The following SRBD1 variants were observed in gnomAD, a reference collection of about 807,000 sequenced individuals.
SRBD1 encodes S1 RNA-binding domain-containing protein 1.
In SRBD1, 88 loss-of-function variants were observed where a neutral mutation model predicts 115.3. That is an observed-to-expected ratio of 0.76 (90% CI 0.64 to 0.91). The LOEUF (loss-of-function observed/expected upper bound fraction) is 0.91. Ranked by LOEUF, SRBD1 falls within the 40% of genes least tolerant of loss-of-function variation. The pLI, the probability that SRBD1 is intolerant of heterozygous loss-of-function variation, is 0.00. For synonymous variants in SRBD1, 509 were observed against 407.7 expected, an observed-to-expected ratio of 1.25 and a Z score of -2.99; for missense variants, 1,385 against 1,177.4, an observed-to-expected ratio of 1.18 and a Z score of -2.58.
chr2:45,432,415 T>C (rs1668368629), intron 16 of SRBD1, among the ~76,000 whole-genome samples: 1 of 152,210 alleles, frequency 6.6e-6, no homozygotes, highest in Admixed American at 6.5e-5. Context: ...AATAATGTCT[T>C]TGACATTAAA....
At chr2:45,593,555 A>T (rs918646016) in intron 4 of SRBD1, among the ~76,000 whole-genome samples, 2 of 152,202 alleles carry the variant, frequency 1.3e-5, no homozygotes, top group Non-Finnish European at 1.5e-5. Flanking sequence ...GGAAATTGCT[A>T]TTTCCTCAGT....
chr2:45,526,271 T>C (rs1671438810), intron 14 of SRBD1, among the ~76,000 whole-genome samples: 1 of 151,960 alleles, frequency 6.6e-6, no homozygotes, highest in African/African-American at 2.4e-5. Flanking sequence ...TATTCGGCCA[T>C]AAAAAGGAAT....
intron 14 of SRBD1, among the ~76,000 whole-genome samples, chr2:45,527,632 T>C (rs1384257664): frequency 6.6e-6 from 1 of 151,864 alleles, no homozygotes; most frequent in Non-Finnish European, 1.5e-5. Flanking sequence ...CCAAGCACCA[T>C]TCTAAGTATT....
chr2:45,508,932 G>A (rs1040125128), intron 14 of SRBD1, among the ~76,000 whole-genome samples: 1 of 152,124 alleles, frequency 6.6e-6, no homozygotes, highest in Non-Finnish European at 1.5e-5. Flanking sequence ...AAAAAAGGAA[G>A]AGAAAGAAAA....
intron 14 of SRBD1, among the ~76,000 whole-genome samples, chr2:45,528,355 T>C (rs1227888361): frequency 2.0e-5 from 3 of 151,670 alleles, no homozygotes; most frequent in African/African-American, 4.8e-5. Context: ...AAGGAAGAAA[T>C]AGGAGACACA....
At chr2:45,594,912 A>C (rs1673845809) in intron 4 of SRBD1, among the ~76,000 whole-genome samples, 1 of 152,210 alleles carries the variant, frequency 6.6e-6, no homozygotes, top group Non-Finnish European at 1.5e-5. Context: ...CCTTATACAA[A>C]AAGACTGAAG....
chr2:45,436,430 T>C (rs1176374715), intron 16 of SRBD1, among the ~76,000 whole-genome samples: 2 of 152,208 alleles, frequency 1.3e-5, no homozygotes, highest in Non-Finnish European at 2.9e-5. Context: ...AGAAAAGTTA[T>C]ATAAGATTGT....
chr2:45,480,610 T>G (rs907206321), intron 15 of SRBD1, among the ~76,000 whole-genome samples: 8 of 152,156 alleles, frequency 5.3e-5, no homozygotes, highest in Non-Finnish European at 1.0e-4. Context: ...GACAAGCAAA[T>G]AAAGTGTTTT....
At chr2:45,503,317 G>C (rs1200578134) in intron 14 of SRBD1, among the ~76,000 whole-genome samples, 1 of 152,128 alleles carries the variant, frequency 6.6e-6, no homozygotes, top group South Asian at 2.1e-4. Flanking sequence ...AGGAAGACTG[G>C]ATGGAGTGTT....
At chr2:45,424,888 G>A (rs913123678) in intron 16 of SRBD1, among the ~76,000 whole-genome samples, 1 of 152,118 alleles carries the variant, frequency 6.6e-6, no homozygotes, top group African/African-American at 2.4e-5. Context: ...GAGTGAGAGA[G>A]AACTAGCCTT....
intron 18 of SRBD1, among the ~76,000 whole-genome samples, chr2:45,413,946 A>G (rs1667683660): frequency 6.6e-6 from 1 of 152,124 alleles, no homozygotes; most frequent in Non-Finnish European, 1.5e-5. Context: ...AAAAAGAAAG[A>G]AAAGAAAAGC....
chr2:45,565,528 C>T (rs536092674), intron 9 of SRBD1, among the ~76,000 whole-genome samples: 8 of 152,090 alleles, frequency 5.3e-5, no homozygotes, highest in African/African-American at 1.9e-4. Flanking sequence ...ATAAAATTTC[C>T]ATTAAAAAAG....
At chr2:45,561,639 T>C (rs1672667629) in intron 10 of SRBD1, among the ~76,000 whole-genome samples, 1 of 152,196 alleles carries the variant, frequency 6.6e-6, no homozygotes, top group South Asian at 2.1e-4. Flanking sequence ...TTTGTATCAG[T>C]TTTCTCACTG....
chr2:45,481,467 G>A (rs1669961044), intron 15 of SRBD1, among the ~76,000 whole-genome samples: 1 of 152,078 alleles, frequency 6.6e-6, no homozygotes, highest in Non-Finnish European at 1.5e-5. Flanking sequence ...AAAACTTAGG[G>A]AACGTGTACA....
At chr2:45,491,780 T>C (rs1047080697) in intron 14 of SRBD1, among the ~76,000 whole-genome samples, 1 of 152,188 alleles carries the variant, frequency 6.6e-6, no homozygotes, top group African/African-American at 2.4e-5. Context: ...ACTTTCAAAT[T>C]TTTTAACAAA....
chr2:45,458,715 G>A (rs189675783), intron 16 of SRBD1, among the ~76,000 whole-genome samples: 58 of 152,212 alleles, frequency 3.8e-4, no homozygotes, highest in African/African-American at 1.3e-3. Context: ...ACAAGAGAGG[G>A]AAGAGTTACA....
At chr2:45,431,474 T>C (rs1030706271) in intron 16 of SRBD1, among the ~76,000 whole-genome samples, 6 of 152,204 alleles carry the variant, frequency 3.9e-5, no homozygotes, top group Non-Finnish European at 8.8e-5. Context: ...TTCATGTCCT[T>C]TGCAGGGATA....
At chr2:45,401,398 T>C (rs896468374) in intron 19 of SRBD1, among the ~76,000 whole-genome samples, 2 of 152,326 alleles carry the variant, frequency 1.3e-5, no homozygotes, top group Non-Finnish European at 1.5e-5. Flanking sequence ...TGTCTAGCCA[T>C]AGGTCTATTA....
intron 19 of SRBD1, among the ~76,000 whole-genome samples, chr2:45,398,357 GAGT>G (rs1667204151): frequency 6.6e-6 from 1 of 151,494 alleles, no homozygotes; most frequent in African/African-American, 2.4e-5. Context: ...CTGCATATAT[GAGT>G]AGAAGAAAAA....
Sources: allele counts gnomAD v4.1 joint callset (sites outside exome capture counted in the v4.1 genomes callset), GRCh38; gene constraint gnomAD v4.1.1; transcripts MANE v1.5; gene names NCBI Gene and HGNC (gene_info 2026-07-23, HGNC 2026-07-21).